The following ZNF521 variants were observed in gnomAD, a reference collection of about 807,000 sequenced individuals.
ZNF521 encodes LYST-interacting protein 3.
In ZNF521, 14 loss-of-function variants were observed where a neutral mutation model predicts 105.5. The observed-to-expected ratio is 0.13, with a 90% CI of 0.09 to 0.21. ZNF521 has a LOEUF of 0.21. ZNF521 is among the 10% of genes least tolerant of loss of function. ZNF521 has a pLI of 1.00. For missense variants in ZNF521, 1,233 were observed against 1,629.7 expected (o/e 0.76, Z 4.19); for synonymous variants, 635 against 606.0 (o/e 1.05, Z -0.70).
chr18:25,147,756 G>A (rs1172271627), intron 5 of ZNF521, among the ~76,000 whole-genome samples: 2 of 152,124 alleles, frequency 1.3e-5, no homozygotes, highest in African/African-American at 4.8e-5. Flanking sequence ...ATACATCAAT[G>A]CCAAATTAAA....
chr18:25,126,611 T>A (rs2034543989), intron 5 of ZNF521, among the ~76,000 whole-genome samples: 1 of 152,082 alleles, frequency 6.6e-6, no homozygotes, highest in African/African-American at 2.4e-5. Flanking sequence ...ATTAAAGGAC[T>A]GAATAGGAGC....
intron 5 of ZNF521, among the ~76,000 whole-genome samples, chr18:25,120,267 C>A (rs1222313432): frequency 6.6e-6 from 1 of 152,046 alleles, no homozygotes; most frequent in Non-Finnish European, 1.5e-5. Flanking sequence ...TAATATCAAC[C>A]CCTTAAACAG....
Position 25,349,826 on chromosome 18 carries a change from T to C in ZNF521, c.40+1081A>G, listed in dbSNP as rs555565433. 2.4e-3 allele frequency among the ~76,000 whole-genome samples: 357 copies of C among 150,140 alleles called. 2 individuals are homozygous for C. The highest frequency in any genetic ancestry group is 8.3e-3 in the African/African-American group (343 of 41,306). ...CACCAGCCGCCCTTTGTCCTCCGCC[T>C]CCGGGTCGCGGGGGCCGCGGCCGCC... On this transcript the variant is annotated intron_variant, in intron 2 of 7. Transcript: ENST00000361524.
intron 2 of ZNF521, among the ~76,000 whole-genome samples, chr18:25,336,726 C>A (rs777137474): frequency 6.6e-6 from 1 of 152,188 alleles, no homozygotes; most frequent in Non-Finnish European, 1.5e-5. Flanking sequence ...AAACAGGCTT[C>A]AGAAAGGGCT....
chr18:25,300,001 T>G (rs1911541675), intron 3 of ZNF521, among the ~76,000 whole-genome samples: 1 of 152,208 alleles, frequency 6.6e-6, no homozygotes. Flanking sequence ...ATTGGGAACT[T>G]ACTTTAACCA....
intron 5 of ZNF521, among the ~76,000 whole-genome samples, chr18:25,151,449 T>C (rs2035046418): frequency 6.6e-6 from 1 of 152,206 alleles, no homozygotes; most frequent in African/African-American, 2.4e-5. Flanking sequence ...AGAAGAAAAA[T>C]AACATTCTGT....
intron 5 of ZNF521, among the ~76,000 whole-genome samples, chr18:25,146,539 C>G (rs1290367495): frequency 6.6e-6 from 1 of 152,080 alleles, no homozygotes; most frequent in Non-Finnish European, 1.5e-5. Flanking sequence ...ATTGGTTTCT[C>G]TGAAAAAAGG....
At chr18:25,229,249 T>C (rs1291001637) in intron 3 of ZNF521, among the ~76,000 whole-genome samples, 1 of 152,210 alleles carries the variant, frequency 6.6e-6, no homozygotes, top group African/African-American at 2.4e-5. Context: ...GGATCATTCC[T>C]TTCCTGCATC....
At chr18:25,120,209 C>A (rs1354914937) in intron 5 of ZNF521, among the ~76,000 whole-genome samples, 1 of 152,166 alleles carries the variant, frequency 6.6e-6, no homozygotes, top group African/African-American at 2.4e-5. Context: ...AAAAATAACA[C>A]CTATCTTAAA....
At chr18:25,187,003 C>T (rs1478237173) in intron 5 of ZNF521, among the ~76,000 whole-genome samples, 1 of 151,608 alleles carries the variant, frequency 6.6e-6, no homozygotes, top group East Asian at 1.9e-4. Context: ...CATGTGGCTG[C>T]AAGATTGTGT....
intron 5 of ZNF521, among the ~76,000 whole-genome samples, chr18:25,184,093 A>G (rs1477191676): frequency 6.6e-6 from 1 of 152,184 alleles, no homozygotes; most frequent in African/African-American, 2.4e-5. Context: ...CTCAAAAAAC[A>G]TAATTATATA....
intron 4 of ZNF521, among the ~76,000 whole-genome samples, chr18:25,208,517 C>T (rs556796555): frequency 5.9e-5 from 9 of 152,142 alleles, no homozygotes; most frequent in Non-Finnish European, 1.2e-4. Flanking sequence ...TTTTCAGCTA[C>T]TTTACCTGGT....
chr18:25,222,894 T>C, intron 4 of ZNF521, among the ~76,000 whole-genome samples: 1 of 152,212 alleles, frequency 6.6e-6, no homozygotes. Flanking sequence ...GATGTCATGA[T>C]ACCTGCAACT....
At chr18:25,208,937 C>T (rs879665203) in intron 4 of ZNF521, among the ~76,000 whole-genome samples, 2 of 152,062 alleles carry the variant, frequency 1.3e-5, no homozygotes, top group Non-Finnish European at 2.9e-5. Context: ...ATTTTTGCTT[C>T]CTACTGCCTA....
chr18:25,092,528 T>C (rs939945169), intron 5 of ZNF521, among the ~76,000 whole-genome samples: 5 of 152,232 alleles, frequency 3.3e-5, no homozygotes, highest in Non-Finnish European at 7.3e-5. Flanking sequence ...ATTCAGTTGA[T>C]ACAGACTATC....
intron 5 of ZNF521, among the ~76,000 whole-genome samples, chr18:25,142,267 T>G (rs757142812): frequency 6.6e-6 from 1 of 152,198 alleles, no homozygotes; most frequent in Non-Finnish European, 1.5e-5. Flanking sequence ...CATCTCTGGC[T>G]ACTACCAAGC....
At chr18:25,176,919 C>T (rs368935461) in intron 5 of ZNF521, among the ~76,000 whole-genome samples, 4 of 152,214 alleles carry the variant, frequency 2.6e-5, no homozygotes, top group South Asian at 4.1e-4. Context: ...TCGGCGCTGG[C>T]GTGGAACCTG....
At chr18:25,247,385 T>C (rs545814757) in intron 3 of ZNF521, among the ~76,000 whole-genome samples, 398 of 152,218 alleles carry the variant, frequency 2.6e-3, no homozygotes, top group Non-Finnish European at 3.7e-3. Flanking sequence ...AGGAAAACAA[T>C]AGTATGTACA....
At position 25,227,046 on chromosome 18, in the gene ZNF521, A is replaced by T; in HGVS notation, c.872T>A (p.Val291Glu). The change falls in exon 4 of 8, where the codon GTA (valine) becomes GAA (glutamate). Residue 291 changes from valine (V) to glutamate (E), a missense_variant. Physicochemically the swap from Val to Glu is moderately radical, Grantham distance 121 (BLOSUM62 -2). Transcript: ENST00000361524. This position sits in a 1 kb window ranked among gnomAD's most constrained non-coding sequence, Gnocchi z 5.7. ...GTGGTTCATGAGGGAGGTCTCCTCTACGAAGAGCTCGTGGCAGTAGACACA... is the reference window on the plus strand; with the variant it reads ...GTGGTTCATGAGGGAGGTCTCCTCTTCGAAGAGCTCGTGGCAGTAGACACA... ...LQCVYCHELF[V>E]EETSLMNHME... 1 of 1,614,126 alleles carries T rather than the reference A, an allele frequency of 6.2e-7. No homozygotes were observed. Among genetic ancestry groups the T allele is most frequent in the Non-Finnish European group, 8.5e-7 (1 of 1,180,004 alleles).
Sources: gnomAD v4.1 joint callset for allele counts (sites outside exome capture counted in the v4.1 genomes callset) on GRCh38, gnomAD v4.1.1 for gene constraint, Gnocchi (gnomAD v3.1) non-coding constraint, MANE v1.5 for transcripts, NCBI Gene and HGNC (gene_info 2026-07-23, HGNC 2026-07-21) for gene names.